The following ACSM1 variants were observed in gnomAD, a reference collection of about 807,000 sequenced individuals.
ACSM1 encodes the protein acyl-CoA synthetase medium chain family member 1, also known as acyl-coenzyme A synthetase ACSM1, mitochondrial.
Under a neutral mutation model 75.8 loss-of-function variants are expected in ACSM1, and 79 were observed. The observed-to-expected ratio is 1.04, with a 90% CI of 0.87 to 1.26. The LOEUF is 1.26. Among genes scored for constraint, ACSM1 ranks in the 50% most tolerant of loss-of-function variants. The probability of loss-of-function intolerance (pLI) is 0.00; values close to 1 mark genes in which losing one functional copy is unlikely to be tolerated. For synonymous variants in ACSM1, 279 were observed against 265.8 expected, an observed-to-expected ratio of 1.05 and a Z score of -0.48; for missense variants, 676 against 720.1, an observed-to-expected ratio of 0.94 and a Z score of 0.70.
At chr16:20,627,090 G>A (rs987243188) in intron 11 of ACSM1, 99 bp downstream of exon 11, 2 of 1,424,272 alleles carry the variant, frequency 1.4e-6, no homozygotes, top group Non-Finnish European at 1.8e-6. Flanking sequence ...TCAGATTTAG[G>A]CTGAAATTTC....
In ACSM1 at chr16:20,664,174, T is replaced by TTTATTTATTTATTTAG. The variant is rs376553877; in HGVS notation, c.913-2302_913-2301insCTAAATAAATAAATAA. ...ATTTATTTATTTATTTATTTATTTA[T>TTTATTTATTTATTTAG]TTTTGGTCTAAATGCCCCCTTTAAA... On this transcript the variant is annotated intron_variant, in intron 6 of 13. Transcript: ENST00000520010. 1.5e-4 allele frequency among the ~76,000 whole-genome samples: 23 copies of TTTATTTATTTATTTAG among 151,680 alleles called. No homozygotes were observed. The East Asian group carries it at 4.5e-3, about 29-fold the overall frequency.
intron 8 of ACSM1, 132 bp downstream of exon 8, chr16:20,640,329 T>C (rs977074656): frequency 5.8e-5 from 62 of 1,065,192 alleles, no homozygotes; most frequent in Admixed American, 9.9e-5. Context: ...CCTTTAAATA[T>C]TGAAGCCCTC....
intron 3 of ACSM1, among the ~76,000 whole-genome samples, chr16:20,684,745 GGAGA>G (rs776431555): frequency 1.4e-3 from 212 of 152,254 alleles, no homozygotes; most frequent in South Asian, 1.5e-3. Flanking sequence ...AGTAAGAAAG[GGAGA>G]GAAAGAGAGA....
At chr16:20,637,328 G>C (rs1194810780) in intron 9 of ACSM1, 43 bp downstream of exon 9, 1 of 1,545,578 alleles carries the variant, frequency 6.5e-7, no homozygotes, top group East Asian at 2.2e-5. Context: ...TCCAACCCCC[G>C]CTGAGCCCTA....
chr16:20,693,434 T>G (rs1323855651), intron 1 of ACSM1, among the ~76,000 whole-genome samples: 1 of 152,216 alleles, frequency 6.6e-6, no homozygotes, highest in African/African-American at 2.4e-5. Context: ...ATCCTTTCTT[T>G]CCATGTAAAT....
intron 5 of ACSM1, among the ~76,000 whole-genome samples, chr16:20,670,423 G>C (rs891848747): frequency 3.9e-5 from 6 of 152,170 alleles, no homozygotes; most frequent in African/African-American, 1.4e-4. Context: ...ACCTGGATTA[G>C]ACTAGGAGCC....
intron 10 of ACSM1, among the ~76,000 whole-genome samples, chr16:20,628,948 G>A (rs1005409184): frequency 2.6e-5 from 4 of 152,060 alleles, no homozygotes; most frequent in African/African-American, 9.7e-5. Context: ...ACATGAAATG[G>A]TTTTAAGAGC....
Position 20,625,445 on chromosome 16 carries a change from C to T in ACSM1, c.1505G>A (p.Ser502Asn), listed in dbSNP as rs1342259749. 6.2e-7 allele frequency: 1 copy of T among 1,614,108 alleles called. No individual in the cohort carries two copies. The highest frequency in any genetic ancestry group is 8.5e-7 in the Non-Finnish European group (1 of 1,180,036). ...PAVAESAVVG[S>N]PDPIRGEVVK... Reference sequence around the variant, plus strand: ...CACCTCCCCTCGAATCGGGTCTGGGCTGCCCACCACGGCTGACTCCGCCAC... The same window carrying T: ...CACCTCCCCTCGAATCGGGTCTGGGTTGCCCACCACGGCTGACTCCGCCAC... The change falls in exon 12 of 14, where the codon AGC (serine) becomes AAC (asparagine). Residue 502 changes from serine (S) to asparagine (N), a missense_variant. Coordinates refer to ENST00000520010, the MANE Select transcript of ACSM1 (RefSeq NM_001318890.3).
chr16:20,633,834 A>G (rs943743129), intron 10 of ACSM1, among the ~76,000 whole-genome samples: 1 of 152,184 alleles, frequency 6.6e-6, no homozygotes, highest in Non-Finnish European at 1.5e-5. Flanking sequence ...AGTTCAAAAC[A>G]AACCTGGGCA....
chr16:20,672,448 C>CAAAAAAAA (rs528742963), intron 4 of ACSM1, among the ~76,000 whole-genome samples: 9 of 21,914 alleles, frequency 4.1e-4, no homozygotes, highest in African/African-American at 7.9e-4. Context: ...AACTCCATCT[C>CAAAAAAAA]AAAAAAAAAA....
At chr16:20,656,897 C>CAAAAA (rs71377673) in intron 7 of ACSM1, among the ~76,000 whole-genome samples, 1 of 120,012 alleles carries the variant, frequency 8.3e-6, no homozygotes, top group Non-Finnish European at 1.8e-5. Context: ...GAAGAGGTTA[C>CAAAAA]AAAAAAAAAA....
intron 13 of ACSM1, among the ~76,000 whole-genome samples, chr16:20,623,795 C>G (rs1845919): frequency 0.29 from 44,578 of 152,054 alleles, 7,996 homozygotes; most frequent in African/African-American, 0.5. Flanking sequence ...GGAAGTGAAG[C>G]ATGTAACCTT....
At chr16:20,660,709 A>G (rs750567838) in intron 7 of ACSM1, among the ~76,000 whole-genome samples, 1 of 152,214 alleles carries the variant, frequency 6.6e-6, no homozygotes, top group South Asian at 2.1e-4. Context: ...AAACTCTGAT[A>G]TTTTAACTTT....
intron 10 of ACSM1, among the ~76,000 whole-genome samples, chr16:20,636,445 G>C (rs2017709541): frequency 6.6e-6 from 1 of 152,164 alleles, no homozygotes; most frequent in Non-Finnish European, 1.5e-5. Context: ...GTTGGTAAGT[G>C]AGATGGTATT....
intron 10 of ACSM1, among the ~76,000 whole-genome samples, chr16:20,627,773 G>A (rs1027506475): frequency 4.0e-5 from 6 of 150,960 alleles, no homozygotes; most frequent in Non-Finnish European, 7.4e-5. Flanking sequence ...AGGTTGCAGT[G>A]AGCCAAGATC....
chr16:20,647,276 C>T (rs972731295), intron 7 of ACSM1, among the ~76,000 whole-genome samples: 3 of 152,150 alleles, frequency 2.0e-5, no homozygotes, highest in Admixed American at 6.6e-5. Context: ...AACCTTGGAC[C>T]GGGTTCGCCC....
intron 5 of ACSM1, 89 bp downstream of exon 5, chr16:20,671,440 GAC>G (rs55913255): frequency 0.31 from 296,525 of 954,582 alleles, 11,738 homozygotes; most frequent in East Asian, 0.39. Context: ...CCTTTCCCAA[GAC>G]ACACACACAC....
At chr16:20,637,042 T>C (rs895785655) in intron 9 of ACSM1, 4 of 728,342 alleles carry the variant, frequency 5.5e-6, no homozygotes, top group Admixed American at 3.7e-5. Flanking sequence ...CATGAGTTAG[T>C]AGATGTCACC....
intron 7 of ACSM1, among the ~76,000 whole-genome samples, chr16:20,641,748 T>A (rs557985647): frequency 1.7e-3 from 254 of 152,322 alleles, no homozygotes; most frequent in African/African-American, 5.9e-3. Context: ...CACAACCTGG[T>A]GTTGGGCCTG....
Sources: allele counts gnomAD v4.1 joint callset (sites outside exome capture counted in the v4.1 genomes callset), GRCh38; gene constraint gnomAD v4.1.1; transcripts MANE v1.5; gene names NCBI Gene and HGNC (gene_info 2026-07-23, HGNC 2026-07-21).